The following JMJD1C variants were observed in gnomAD, a reference collection of about 807,000 sequenced individuals.
The protein encoded by JMJD1C is jumonji domain-containing protein 1C.
Under a neutral mutation model 245.3 loss-of-function variants are expected in JMJD1C, and 31 were observed. The ratio of observed to expected loss-of-function variants is 0.13; its 90% CI spans 0.09 to 0.17. JMJD1C has a LOEUF of 0.17. Ranked by LOEUF, JMJD1C falls within the 10% of genes least tolerant of loss-of-function variation. The pLI, the probability that JMJD1C is intolerant of heterozygous loss-of-function variation, is 1.00. For missense variants in JMJD1C, 2,691 were observed against 3,000.2 expected (o/e 0.90, Z 2.41); for synonymous variants, 1,057 against 1,017.4 (o/e 1.04, Z -0.74).
chr10:63,234,299 GC>G (rs1454487687), intron 3 of JMJD1C, among the ~76,000 whole-genome samples: 2 of 151,368 alleles, frequency 1.3e-5, no homozygotes, highest in Non-Finnish European at 2.9e-5. Flanking sequence ...TTTGAGACCA[GC>G]CTGGGCAACA....
chr10:63,206,003 T>C (rs562613698), intron 10 of JMJD1C, among the ~76,000 whole-genome samples: 8 of 152,140 alleles, frequency 5.3e-5, no homozygotes, highest in Non-Finnish European at 1.2e-4. Context: ...ATTCTGTCAC[T>C]GACTGAAAAG....
intron 1 of JMJD1C, among the ~76,000 whole-genome samples, chr10:63,422,703 T>C (rs1448305863): frequency 1.3e-5 from 2 of 152,142 alleles, no homozygotes; most frequent in Non-Finnish European, 2.9e-5. Flanking sequence ...CTGAATTTGA[T>C]TACCACAAAA....
At chr10:63,180,961 G>C (rs1843405395) in intron 22 of JMJD1C, among the ~76,000 whole-genome samples, 1 of 151,998 alleles carries the variant, frequency 6.6e-6, no homozygotes, top group Admixed American at 6.6e-5. Flanking sequence ...GTAGAGACGG[G>C]GTTTCACCGT....
intron 1 of JMJD1C, among the ~76,000 whole-genome samples, chr10:63,430,271 A>G (rs1950669564): frequency 6.6e-6 from 1 of 152,242 alleles, no homozygotes; most frequent in African/African-American, 2.4e-5. Context: ...TATCTTTGTG[A>G]CATTGAGTTG....
chr10:63,421,611 T>C (rs2132746583), intron 1 of JMJD1C, among the ~76,000 whole-genome samples: 1 of 152,296 alleles, frequency 6.6e-6, no homozygotes, highest in African/African-American at 2.4e-5. Context: ...CCCCAATTAA[T>C]ATATTGAAGT....
intron 8 of JMJD1C, 79 bp from the exon 9 acceptor site, chr10:63,209,314 G>T: frequency 8.3e-7 from 1 of 1,204,222 alleles, no homozygotes; most frequent in Non-Finnish European, 1.1e-6. Context: ...CAGTAGAACT[G>T]GGTATGATCT....
At chr10:63,449,245 T>A (rs372594620) in intron 1 of JMJD1C, among the ~76,000 whole-genome samples, 4 of 152,132 alleles carry the variant, frequency 2.6e-5, no homozygotes, top group East Asian at 1.9e-4. Context: ...TTGTTACAGT[T>A]TCACTTGAAG....
intron 3 of JMJD1C, among the ~76,000 whole-genome samples, chr10:63,260,554 A>C (rs1854569848): frequency 6.6e-6 from 1 of 152,152 alleles, no homozygotes; most frequent in Non-Finnish European, 1.5e-5. Flanking sequence ...TCCAAAGTAA[A>C]GCAACAATAC....
intron 1 of JMJD1C, among the ~76,000 whole-genome samples, chr10:63,418,571 G>C (rs2132717578): frequency 6.6e-6 from 1 of 152,220 alleles, no homozygotes; most frequent in African/African-American, 2.4e-5. Flanking sequence ...GCCAAAACCA[G>C]TTAATATTTT....
chr10:63,173,970 C>T (rs1051041733), intron 24 of JMJD1C, among the ~76,000 whole-genome samples: 2 of 151,958 alleles, frequency 1.3e-5, no homozygotes, highest in Admixed American at 6.6e-5. Context: ...TAAGAAAGTA[C>T]AAAGTAAAAC....
chr10:63,316,871 T>A (rs1258837259), intron 2 of JMJD1C, among the ~76,000 whole-genome samples: 1 of 152,206 alleles, frequency 6.6e-6, no homozygotes, highest in African/African-American at 2.4e-5. Context: ...TGTTTGTTTT[T>A]TGAGATGGAG....
At position 63,200,628 on chromosome 10, in the gene JMJD1C, C is replaced by A; in HGVS notation, c.5124G>T (p.Leu1708=). 6.2e-7 allele frequency: 1 copy of A among 1,614,044 alleles called. No individual in the cohort carries two copies. The highest frequency in any genetic ancestry group is 8.5e-7 in the Non-Finnish European group (1 of 1,179,946). Residue 1708 remains leucine (L), a synonymous_variant, in exon 11 of 26, where the codon CTG becomes CTT. Transcript: ENST00000399262. Reference sequence around the variant, plus strand: ...GTAAAAAGGATTCCCCAGTTTGCTTCAGCTTCTTGACTTTACGCCAATCTT... The same window carrying A: ...GTAAAAAGGATTCCCCAGTTTGCTTAAGCTTCTTGACTTTACGCCAATCTT... ...VLKDWRKVKK[L]KQTGESFLQD...
intron 2 of JMJD1C, among the ~76,000 whole-genome samples, chr10:63,377,921 CA>C (rs11364665): frequency 0.92 from 127,969 of 139,656 alleles, 59,296 homozygotes; most frequent in South Asian, 0.99. Flanking sequence ...AATAGTATGG[CA>C]AAAAAAAAAA....
Position 63,385,091 on chromosome 10 carries a change from G to A in JMJD1C, c.169-4609C>T, listed in dbSNP as rs369208066. Among the ~76,000 whole-genome samples the A allele has an allele frequency of 7.2e-5, 11 of 152,182 alleles. No individual in the cohort carries two copies. In the South Asian group the frequency reaches 8.3e-4, roughly 11 times the overall value. ...TGTGTCTCAAGGAATAGGGAGGTCC[G>A]GAGGTTCAAGAAGAGGGAAAGAGAC... is the stretch of plus-strand genomic sequence containing the variant. On this transcript the variant is annotated intron_variant, in intron 1 of 25. Transcript: ENST00000399262.
intron 1 of JMJD1C, among the ~76,000 whole-genome samples, chr10:63,452,525 G>C (rs867743282): frequency 7.2e-5 from 11 of 152,174 alleles, no homozygotes; most frequent in African/African-American, 2.7e-4. Context: ...AAACTGTGCA[G>C]TGGTTCCTCA....
intron 1 of JMJD1C, among the ~76,000 whole-genome samples, chr10:63,464,516 T>C (rs1418150296): frequency 6.6e-6 from 1 of 152,158 alleles, no homozygotes; most frequent in Non-Finnish European, 1.5e-5. Flanking sequence ...TTTCACAGAT[T>C]ACGTATTCAT....
rs57860875 is a variant in JMJD1C at position 63,284,857 on chromosome 10, TCACACACACACACACA to T, written c.334-20109_334-20094del. ...GATGCCATTCCCTGGCAGGGAAGATTCACACACACACACACACACACACACACACACACACACACAC... is the reference window on the plus strand; with the variant it reads ...GATGCCATTCCCTGGCAGGGAAGATTCACACACACACACACACACACACAC... On this transcript the variant is annotated intron_variant, in intron 2 of 25. Transcript: ENST00000399262. 1.1e-3 allele frequency among the ~76,000 whole-genome samples: 152 copies of T among 135,472 alleles called. 1 individual carries two copies. Among genetic ancestry groups the T allele is most frequent in the Middle Eastern group, 7.4e-3 (2 of 270 alleles). 88.9% of individuals were successfully genotyped at this position (135,472 alleles called of 152,430 possible). A position where few individuals can be genotyped will look rare whatever the true frequency, so the allele number is the denominator to read the frequency against.
At chr10:63,508,072 A>C (rs1954775828) in intron 1 of JMJD1C, among the ~76,000 whole-genome samples, 1 of 152,092 alleles carries the variant, frequency 6.6e-6, no homozygotes, top group South Asian at 2.1e-4. Context: ...AAAAAAATTA[A>C]CTTTAATGAA....
At chr10:63,222,592 G>A (rs1848729593) in intron 3 of JMJD1C, 2 of 1,596,256 alleles carry the variant, frequency 1.3e-6, no homozygotes, top group African/African-American at 2.7e-5. Flanking sequence ...AATTACCAAT[G>A]TTTCTTCATT....
Sources: gnomAD v4.1 joint callset for allele counts (sites outside exome capture counted in the v4.1 genomes callset) on GRCh38, gnomAD v4.1.1 for gene constraint, MANE v1.5 for transcripts, NCBI Gene and HGNC (gene_info 2026-07-23, HGNC 2026-07-21) for gene names.